SRA1: variants seen among roughly 807,000 people sequenced by gnomAD.
The protein encoded by SRA1 is lncRNA SRA.
Under a neutral mutation model 24.3 loss-of-function variants are expected in SRA1, and 25 were observed. The observed-to-expected ratio is 1.03, with a 90% confidence interval of 0.75 to 1.43. The LOEUF (loss-of-function observed/expected upper bound fraction) is 1.43. Ranked by LOEUF, SRA1 falls within the 40% of genes most tolerant of loss-of-function variation. SRA1 has a pLI of 0.00. For missense variants in SRA1, 303 were observed against 286.6 expected (o/e 1.06, Z -0.41); for synonymous variants, 104 against 109.5 (o/e 0.95, Z 0.31).
At chr5:140,551,028 G>C (rs1446776849) in intron 4 of SRA1, 33 bp downstream of exon 4, 7 of 1,590,654 alleles carry the variant, frequency 4.4e-6, no homozygotes, top group African/African-American at 1.3e-5. Context: ...AGCAGGAAAG[G>C]GATTTAGGCT....
In SRA1 at chr5:140,552,042, C is replaced by CAGT. The variant is rs772855805; in HGVS notation, c.293_294insACT (p.Val98_Met99insLeu). ...CCAAAGGTCTCAGCACATCCTCCATCACAGCCTCAGACTCGACTGGGAAAC... is the reference window on the plus strand; with the variant it reads ...CCAAAGGTCTCAGCACATCCTCCATCAGTACAGCCTCAGACTCGACTGGGAAAC... On this transcript the variant is annotated inframe_insertion, in exon 3 of 5. Coordinates refer to ENST00000336283, the MANE Select transcript of SRA1 (RefSeq NM_001035235.4). The CAGT allele has an allele frequency of 7.1e-7, 1 of 1,400,204 alleles. No individual in the cohort carries two copies. Among genetic ancestry groups the CAGT allele is most frequent in the South Asian group, 1.2e-5 (1 of 81,278 alleles). The allele number at this position is 1,400,204 out of a possible 1,614,324, so 86.7% of individuals were successfully genotyped here.
Position 140,550,228 on chromosome 5 carries a change from C to T in SRA1, c.*472G>A, listed in dbSNP as rs1335383545. 3 of 188,814 alleles carry T rather than the reference C, an allele frequency of 1.6e-5. No individual in the cohort carries two copies. Among genetic ancestry groups the T allele is most frequent in the African/African-American group, 4.7e-5 (2 of 42,460 alleles). 11.7% of individuals were successfully genotyped at this position (188,814 alleles called of 1,614,324 possible). ...ATACAGTGCAAATAGGACTGTCTTT[C>T]CTTTTGTTGAGGGAAAAGTCTCCCC... On this transcript the variant is annotated 3_prime_UTR_variant, in exon 5 of 5. Transcript: ENST00000336283.
intron 4 of SRA1, 24 bp from the exon 5 acceptor site, chr5:140,550,935 A>G (rs375046977): frequency 3.0e-5 from 49 of 1,611,040 alleles, no homozygotes; most frequent in Non-Finnish European, 4.1e-5. Context: ...GGGGTTGAGC[A>G]AGCAGCCTGT....
At chr5:140,551,852 C>T in intron 3 of SRA1, 130 bp downstream of exon 3, 1 of 761,474 alleles carries the variant, frequency 1.3e-6, no homozygotes, top group Non-Finnish European at 2.1e-6. Flanking sequence ...TTAGCAGATT[C>T]TGAAGGAGTC....
chr5:140,555,817 C>T (rs1311419483), intron 2 of SRA1, among the ~76,000 whole-genome samples: 1 of 151,960 alleles, frequency 6.6e-6, no homozygotes, highest in African/African-American at 2.4e-5. Context: ...TGGATTCTTC[C>T]TAATCTACTC....
chr5:140,550,698 G>C lies in SRA1; in HGVS notation c.*2C>G, dbSNP rs144469937. ...TGTCCGGTGAGTCTGGGGAACCGAG[G>C]ATTATGAAGCCTGCTGGAAGCCTGG... On this transcript the variant is annotated 3_prime_UTR_variant, in exon 5 of 5. Coordinates refer to ENST00000336283, the MANE Select transcript of SRA1 (RefSeq NM_001035235.4). The C allele has an allele frequency of 1.3e-5, 21 of 1,614,006 alleles. No individual in the cohort carries two copies. In the African/African-American group the frequency reaches 2.5e-4, roughly 19 times the overall value.
Position 140,550,426 on chromosome 5 carries a change from T to C in SRA1, c.*274A>G, listed in dbSNP as rs1754512837. ...AGAAGGGAGAACAGAGGTTTGCAGA[T>C]ACACAGGGAGCAGGGCAGTCGAGGA... is the stretch of plus-strand genomic sequence containing the variant. On this transcript the variant is annotated 3_prime_UTR_variant, in exon 5 of 5. Coordinates refer to ENST00000336283, the MANE Select transcript of SRA1 (RefSeq NM_001035235.4). 1 of 505,790 alleles carries C rather than the reference T, an allele frequency of 2.0e-6. No homozygotes were observed. The highest frequency in any genetic ancestry group is 1.9e-5 in the African/African-American group (1 of 52,068). The allele number at this position is 505,790 out of a possible 1,614,324, so 31.3% of individuals were successfully genotyped here. A position where few individuals can be genotyped will look rare whatever the true frequency, so the allele number is the denominator to read the frequency against.
At position 140,550,717 on chromosome 5, in the gene SRA1, A is replaced by G. The variant is rs1754527854; in HGVS notation, c.658T>C (p.Phe220Leu). The G allele has an allele frequency of 6.2e-7, 1 of 1,613,950 alleles. No individual in the cohort carries two copies. The highest frequency in any genetic ancestry group is 1.3e-5 in the African/African-American group (1 of 74,870). Reference protein sequence around the residue: ...TAEKNHTIPGFQQAS With the variant: ...TAEKNHTIPGLQQAS ...ACCGAGGATTATGAAGCCTGCTGGA[A>G]GCCTGGTATGGTATGGTTCTTCTCA... The change falls in exon 5 of 5, where the codon TTC becomes CTC. Residue 220 changes from phenylalanine (F) to leucine (L), a missense_variant. Physicochemically the swap from Phe to Leu is conservative, Grantham distance 22. Transcript: ENST00000336283.
chr5:140,552,939 A>G (rs1754604942), intron 2 of SRA1, among the ~76,000 whole-genome samples: 2 of 152,236 alleles, frequency 1.3e-5, no homozygotes, highest in African/African-American at 4.8e-5. Context: ...AAAAAACACA[A>G]AATTACTAAA....
intron 2 of SRA1, among the ~76,000 whole-genome samples, chr5:140,554,039 G>T (rs1051113771): frequency 6.6e-6 from 1 of 152,116 alleles, no homozygotes; most frequent in African/African-American, 2.4e-5. Context: ...CACCTCCAGT[G>T]ATCATTTTTT....
intron 3 of SRA1, 57 bp downstream of exon 3, chr5:140,551,925 T>C (rs1250846521): frequency 2.0e-6 from 3 of 1,508,824 alleles, no homozygotes; most frequent in Non-Finnish European, 2.7e-6. Flanking sequence ...TGGGAACCAT[T>C]CCTGCATTTG....
At chr5:140,553,536 A>G (rs982182583) in intron 2 of SRA1, among the ~76,000 whole-genome samples, 1 of 152,204 alleles carries the variant, frequency 6.6e-6, no homozygotes, top group African/African-American at 2.4e-5. Flanking sequence ...CCACTGAAGA[A>G]AGTAGTATGA....
intron 2 of SRA1, among the ~76,000 whole-genome samples, chr5:140,556,827 G>A (rs1187596421): frequency 6.6e-6 from 1 of 152,118 alleles, no homozygotes; most frequent in Non-Finnish European, 1.5e-5. Flanking sequence ...AAATGAATAT[G>A]CCACTATACG....
intron 3 of SRA1, 110 bp from the exon 4 acceptor site, chr5:140,551,279 G>C (rs1754553976): frequency 1.3e-6 from 1 of 767,830 alleles, no homozygotes; most frequent in African/African-American, 1.7e-5. Context: ...CCACACTTTA[G>C]AATTCTGGTT....
At chr5:140,551,218 G>A (rs1561857540) in intron 3 of SRA1, 49 bp from the exon 4 acceptor site, 3 of 1,430,032 alleles carry the variant, frequency 2.1e-6, no homozygotes, top group Admixed American at 1.7e-5. Context: ...GCCCAATGAG[G>A]GGAGGAGAGG....
chr5:140,554,964 C>T (rs1267630220), intron 2 of SRA1, among the ~76,000 whole-genome samples: 1 of 151,710 alleles, frequency 6.6e-6, no homozygotes, highest in East Asian at 1.9e-4. Context: ...CTGCAGGCTC[C>T]ACCTCCCAGG....
chr5:140,550,720 C>G lies in SRA1; in HGVS notation c.655G>C (p.Gly219Arg). Reference sequence around the variant, plus strand: ...GAGGATTATGAAGCCTGCTGGAAGCCTGGTATGGTATGGTTCTTCTCAGCT... The same window carrying G: ...GAGGATTATGAAGCCTGCTGGAAGCGTGGTATGGTATGGTTCTTCTCAGCT... ...ATAEKNHTIPGFQQAS is the reference protein window; with the variant it reads ...ATAEKNHTIPRFQQAS Residue 219 changes from glycine to arginine, a missense_variant, in exon 5 of 5, where the codon GGC (glycine) becomes CGC (arginine). Transcript: ENST00000336283. 1 of 1,614,080 alleles carries G rather than the reference C, an allele frequency of 6.2e-7. No individual in the cohort carries two copies. The highest frequency in any genetic ancestry group is 8.5e-7 in the Non-Finnish European group (1 of 1,180,010).
At chr5:140,556,496 C>A (rs947649745) in intron 2 of SRA1, among the ~76,000 whole-genome samples, 39 of 152,244 alleles carry the variant, frequency 2.6e-4, no homozygotes, top group African/African-American at 8.4e-4. Flanking sequence ...GCAGCTGTTT[C>A]TTTTGCTTGG....
intron 2 of SRA1, among the ~76,000 whole-genome samples, chr5:140,554,334 T>G (rs1754637664): frequency 6.6e-6 from 1 of 152,222 alleles, no homozygotes; most frequent in Non-Finnish European, 1.5e-5. Flanking sequence ...TTTTGGCTCA[T>G]TTTTTCCACT....
Sources: gnomAD v4.1 joint callset for allele counts (sites outside exome capture counted in the v4.1 genomes callset) on GRCh38, gnomAD v4.1.1 for gene constraint, MANE v1.5 for transcripts, NCBI Gene and HGNC (gene_info 2026-07-23, HGNC 2026-07-21) for gene names.